UTRN: variants seen among roughly 807,000 people sequenced by gnomAD.
UTRN encodes dystrophin-related protein 1.
In UTRN, 283 loss-of-function variants were observed where a neutral mutation model predicts 463.9. The observed-to-expected ratio is 0.61, with a 90% CI of 0.55 to 0.67. The LOEUF is 0.67. Among genes scored for constraint, UTRN ranks in the 30% least tolerant of loss-of-function variants. The pLI is 0.00. For synonymous variants in UTRN, 1,442 were observed against 1,431.5 expected, an observed-to-expected ratio of 1.01 and a Z score of -0.17; for missense variants, 3,922 against 4,084.3, an observed-to-expected ratio of 0.96 and a Z score of 1.08.
chr6:144,392,819 CT>C (rs1165308538), intron 2 of UTRN, among the ~76,000 whole-genome samples: 3 of 152,186 alleles, frequency 2.0e-5, no homozygotes. Flanking sequence ...CATAATTCTT[CT>C]TTTTGACTTT....
chr6:144,339,625 A>G (rs1198775937), intron 2 of UTRN, among the ~76,000 whole-genome samples: 3 of 152,178 alleles, frequency 2.0e-5, no homozygotes, highest in African/African-American at 2.4e-5. Flanking sequence ...AAAATAAGAA[A>G]AAGAGGTGTT....
At chr6:144,437,380 T>C (rs1002100625) in intron 10 of UTRN, among the ~76,000 whole-genome samples, 185 bp from the exon 11 acceptor site, 1 of 152,234 alleles carries the variant, frequency 6.6e-6, no homozygotes, top group Non-Finnish European at 1.5e-5. Flanking sequence ...TTTTAACTTA[T>C]GGCAGGTGTT....
intron 51 of UTRN, among the ~76,000 whole-genome samples, chr6:144,610,074 A>G (rs986938130): frequency 3.9e-5 from 6 of 152,044 alleles, no homozygotes; most frequent in Admixed American, 3.9e-4. Flanking sequence ...AGGAAAGAAC[A>G]AAGATCAGAG....
intron 52 of UTRN, among the ~76,000 whole-genome samples, chr6:144,690,445 A>C (rs918207018): frequency 6.6e-6 from 1 of 152,052 alleles, no homozygotes; most frequent in Non-Finnish European, 1.5e-5. Context: ...ACTGAAACTC[A>C]AAACTGCCCC....
intron 51 of UTRN, among the ~76,000 whole-genome samples, chr6:144,650,361 A>G (rs1190563891): frequency 4.6e-5 from 7 of 152,222 alleles, no homozygotes; most frequent in African/African-American, 1.7e-4. Context: ...ATATTAAGAT[A>G]TTTTGATATT....
chr6:144,515,511 A>G (rs1166161773), intron 37 of UTRN, among the ~76,000 whole-genome samples: 2 of 151,942 alleles, frequency 1.3e-5, no homozygotes, highest in Non-Finnish European at 2.9e-5. Context: ...CGACAAATCT[A>G]AAAGTTACAG....
At chr6:144,296,701 T>G (rs1394276604) in intron 2 of UTRN, among the ~76,000 whole-genome samples, 2 of 152,222 alleles carry the variant, frequency 1.3e-5, no homozygotes, top group African/African-American at 2.4e-5. Flanking sequence ...TGACTCTTCT[T>G]CATTTTGTGC....
At chr6:144,579,334 A>G (rs1801740441) in intron 51 of UTRN, among the ~76,000 whole-genome samples, 1 of 152,072 alleles carries the variant, frequency 6.6e-6, no homozygotes. Context: ...TTTATGATTT[A>G]AACAAGAAAA....
intron 33 of UTRN, among the ~76,000 whole-genome samples, chr6:144,493,797 T>C (rs1310890456): frequency 2.6e-5 from 4 of 151,954 alleles, no homozygotes; most frequent in Non-Finnish European, 2.9e-5. Flanking sequence ...GATGAAACCT[T>C]GTCTCTACAA....
intron 34 of UTRN, among the ~76,000 whole-genome samples, chr6:144,507,844 T>G (rs1794817497): frequency 6.6e-6 from 1 of 152,162 alleles, no homozygotes; most frequent in Non-Finnish European, 1.5e-5. Flanking sequence ...AACATTTAAG[T>G]CTGCTGAAGC....
At chr6:144,514,113 T>C (rs1795406256) in intron 36 of UTRN, 76 bp downstream of exon 36, 20 of 1,567,338 alleles carry the variant, frequency 1.3e-5, no homozygotes, top group Non-Finnish European at 1.7e-5. Context: ...TGGAATGCTC[T>C]AAGTTACTTA....
intron 1 of UTRN, 93 bp from the exon 2 acceptor site, chr6:144,291,644 A>G (rs888487732): frequency 6.8e-6 from 3 of 438,152 alleles, no homozygotes; most frequent in East Asian, 3.9e-5. Context: ...TAGGCACTCA[A>G]TAAATATTTG....
chr6:144,347,640 G>A (rs1050024100), intron 2 of UTRN, among the ~76,000 whole-genome samples: 18 of 152,136 alleles, frequency 1.2e-4, no homozygotes, highest in Non-Finnish European at 2.2e-4. Context: ...GGAACAGGTG[G>A]CTGATCTGGG....
At chr6:144,596,246 T>C (rs1803628116) in intron 51 of UTRN, among the ~76,000 whole-genome samples, 1 of 152,156 alleles carries the variant, frequency 6.6e-6, no homozygotes, top group East Asian at 1.9e-4. Context: ...TGTGTCCACA[T>C]CCTTGCGGGT....
chr6:144,823,573 A>G (rs1323286911), intron 66 of UTRN, among the ~76,000 whole-genome samples: 1 of 152,172 alleles, frequency 6.6e-6, no homozygotes, highest in African/African-American at 2.4e-5. Flanking sequence ...GTAGTTACAC[A>G]TGCATGCATG....
In UTRN at chr6:144,481,044, A is replaced by G. The variant is rs557962366; in HGVS notation, c.3507+1062A>G. 5.9e-5 allele frequency among the ~76,000 whole-genome samples: 9 copies of G among 152,320 alleles called. No individual in the cohort carries two copies. The South Asian group carries it at 8.3e-4, about 14-fold the overall frequency. On this transcript the variant is annotated intron_variant, in intron 26 of 74. Coordinates refer to ENST00000367545, the MANE Select transcript of UTRN (RefSeq NM_007124.3). The stretch of plus-strand genomic sequence containing the variant: ...TGTCTCATTTATTGTCTTTCTTTAC[A>G]CTATTGGCATTGTAGTTCTGTGGAT...
At chr6:144,418,123 C>T (rs1200094543) in intron 3 of UTRN, among the ~76,000 whole-genome samples, 1 of 151,628 alleles carries the variant, frequency 6.6e-6, no homozygotes, top group Non-Finnish European at 1.5e-5. Context: ...GTAACTTGCC[C>T]AAAATTCTAT....
intron 3 of UTRN, among the ~76,000 whole-genome samples, chr6:144,405,408 A>G (rs1377935397): frequency 1.3e-5 from 2 of 152,178 alleles, no homozygotes; most frequent in South Asian, 4.1e-4. Context: ...ATAGACTCCC[A>G]TGTGGCTTAA....
intron 2 of UTRN, among the ~76,000 whole-genome samples, chr6:144,381,752 G>A (rs1024735271): frequency 6.6e-6 from 1 of 152,202 alleles, no homozygotes; most frequent in African/African-American, 2.4e-5. Flanking sequence ...CTTCCACCAT[G>A]ATTGTGAGGC....
Sources: allele counts gnomAD v4.1 joint callset (sites outside exome capture counted in the v4.1 genomes callset), GRCh38; gene constraint gnomAD v4.1.1; transcripts MANE v1.5; gene names NCBI Gene and HGNC (gene_info 2026-07-23, HGNC 2026-07-21).